Variants in PIDD1 observed in about 807,000 individuals in gnomAD.
PIDD1 encodes the protein p53-induced death domain-containing protein 1.
A neutral mutation model predicts 80.0 loss-of-function variants in PIDD1; 72 were observed. The ratio of observed to expected loss-of-function variants is 0.90; its 90% CI spans 0.74 to 1.09. The LOEUF (loss-of-function observed/expected upper bound fraction) is 1.09, where lower values mean the gene tolerates loss of function less well. Among genes scored for constraint, PIDD1 ranks in the 50% least tolerant of loss-of-function variants. PIDD1 has a pLI of 0.00. For missense variants in PIDD1, 1,329 were observed against 1,228.3 expected, an observed-to-expected ratio of 1.08 and a Z score of -1.23; for synonymous variants, 655 against 543.5, an observed-to-expected ratio of 1.21 and a Z score of -2.85.
chr11:804,257 G>A lies in PIDD1; in HGVS notation c.132C>T (p.Pro44=), dbSNP rs771436755. The A allele has an allele frequency of 2.7e-5, 44 of 1,612,916 alleles. No individual in the cohort carries two copies. The East Asian group carries it at 8.5e-4, about 31-fold the overall frequency. The change falls in exon 2 of 16, where the codon CCC becomes CCT. Residue 44 remains proline, a synonymous_variant. Transcript: ENST00000347755. ...GGTGCAGCAGCTGCTGGCAGCCCCC[G>A]GGGTACAGGTCCAAGCTCAGCCGGT... ...GGNRLSLDLY[P]GGCQQLLHLC...
rs1427234143 is a variant in PIDD1, at chr11:799,802, G to C, written c.2474+13C>G. 1 of 1,548,084 alleles carries C rather than the reference G, an allele frequency of 6.5e-7. No homozygotes were observed. The highest frequency in any genetic ancestry group is 2.3e-5 in the East Asian group (1 of 43,106). On this transcript the variant is annotated intron_variant, in intron 15 of 15. Coordinates refer to ENST00000347755, the MANE Select transcript of PIDD1 (RefSeq NM_145886.4). ...CCCTGGGGCTGGCAGCCAGCGGGCA[G>C]TGGGAGCCTCACCGGAACTCGTGCC... is the stretch of plus-strand genomic sequence containing the variant.
Position 803,673 on chromosome 11 carries a change from G to A in PIDD1, c.296-86C>T, listed in dbSNP as rs112492172. ...CTGCCAGCCAGAGAAACAGCTGCTC[G>A]AGAGGCACAGACCTCCCACCCCACC... On this transcript the variant is annotated intron_variant, in intron 2 of 15. Coordinates refer to ENST00000347755, the MANE Select transcript of PIDD1 (RefSeq NM_145886.4). 1.6e-3 allele frequency: 2,322 copies of A among 1,470,704 alleles called. 22 individuals are homozygous for A. The African/African-American group carries it at 0.025, about 16-fold the overall frequency. The allele number at this position is 1,470,704 out of a possible 1,614,324, so 91.1% of individuals were successfully genotyped here.
In PIDD1 at chr11:800,808, C is replaced by T. The variant is rs1329781846; in HGVS notation, c.1871G>A (p.Arg624His). 13 of 1,557,624 alleles carry T rather than the reference C, an allele frequency of 8.3e-6. No individual in the cohort carries two copies. Among genetic ancestry groups the T allele is most frequent in the Middle Eastern group, 1.7e-4 (1 of 5,982 alleles). Residue 624 changes from arginine to histidine, a missense_variant, in exon 11 of 16, where the codon CGC (arginine) becomes CAC (histidine). By Grantham distance (29) the Arg-to-His change is conservative. Transcript: ENST00000347755. ...HRVNLIALQR[R>H]RDPEQVLLQC... Reference sequence around the variant, plus strand: ...CAGCAGGACCTGCTCAGGGTCCCGGCGCCGCTGCAGAGCGATGAGGTTCAC... The same window carrying T: ...CAGCAGGACCTGCTCAGGGTCCCGGTGCCGCTGCAGAGCGATGAGGTTCAC...
chr11:805,238 C>A (rs1441041964), upstream of PIDD1: 1 of 982,786 alleles, frequency 1.0e-6, no homozygotes, highest in Non-Finnish European at 1.2e-6. Flanking sequence ...GCCTGGGATC[C>A]CGCCGGCGCG....
chr11:799,410 C>CG lies in PIDD1; in HGVS notation c.2629dup (p.Arg877ProfsTer41). 6.2e-7 allele frequency: 1 copy of CG among 1,611,684 alleles called. No homozygotes were observed. The highest frequency in any genetic ancestry group is 1.1e-5 in the South Asian group (1 of 91,078). On this transcript the variant is annotated frameshift_variant, in exon 16 of 16. Coordinates refer to ENST00000347755, the MANE Select transcript of PIDD1 (RefSeq NM_145886.4). LOFTEE classifies it low-confidence loss of function (END_TRUNC). The stretch of plus-strand genomic sequence containing the variant: ...TCGGATGCTGTCCTGGTACTTGCGG[C>CG]GGCCGAGCTCCAAGACTGCGCGCAC...
At position 802,876 on chromosome 11, in the gene PIDD1, A is replaced by G. The variant is rs1333527958; in HGVS notation, c.725T>C (p.Leu242Ser). The stretch of plus-strand genomic sequence containing the variant: ...GTTGCTGTGCAGGACAAGGAGCCGC[A>G]AGGACCGAAGTCCCGCTGCGGGCAG... ...LPASLAGLRS[L>S]RLLVLHSNLL... is the part of the protein sequence containing the mutation. Residue 242 changes from leucine to serine, a missense_variant, in exon 4 of 16, where the codon TTG (leucine) becomes TCG (serine). By Grantham distance (145) the Leu-to-Ser change is moderately radical. Transcript: ENST00000347755. The G allele has an allele frequency of 3.8e-6, 6 of 1,570,378 alleles. No homozygotes were observed. Among genetic ancestry groups the G allele is most frequent in the Non-Finnish European group, 5.2e-6 (6 of 1,158,698 alleles).
rs751916437 is a variant in PIDD1 at position 802,783 on chromosome 11, T to G, written c.818A>C (p.Asn273Thr). The G allele has an allele frequency of 3.7e-6, 6 of 1,607,958 alleles. No homozygotes were observed. Among genetic ancestry groups the G allele is most frequent in the Non-Finnish European group, 5.1e-6 (6 of 1,177,966 alleles). Residue 273 changes from asparagine (N) to threonine (T), a missense_variant, in exon 4 of 16, where the codon AAC (asparagine) becomes ACC (threonine). Transcript: ENST00000347755. Reference sequence around the variant, plus strand: ...CTCAGGGGGCAGGTCCCGGAGCTGGTTGTCCCTCAGGTCGAGCCGGGTGAG... The same window carrying G: ...CTCAGGGGGCAGGTCCCGGAGCTGGGTGTCCCTCAGGTCGAGCCGGGTGAG... ...PLLTRLDLRD[N>T]QLRDLPPELL...
chr11:804,406 T>C lies in PIDD1; in HGVS notation c.-18A>G. ...GCAGCCATCGCCCACCGACGGTCCT[T>C]GGAGGCCAGACATGTCCCAGCACGC... On this transcript the variant is annotated 5_prime_UTR_variant, in exon 2 of 16. Transcript: ENST00000347755. The C allele has an allele frequency of 6.4e-7, 1 of 1,570,982 alleles. No homozygotes were observed. Among genetic ancestry groups the C allele is most frequent in the Non-Finnish European group, 8.6e-7 (1 of 1,157,464 alleles).
chr11:800,279 C>A, intron 13 of PIDD1, 35 bp from the exon 14 acceptor site: 1 of 1,612,150 alleles, frequency 6.2e-7, no homozygotes, highest in Non-Finnish European at 8.5e-7. Flanking sequence ...GGAGTTCGGT[C>A]CTCTGCCCAA....
rs369791381 is a variant in PIDD1 at position 802,106 on chromosome 11, G to A, written c.1177-16C>T. 2.0e-4 allele frequency: 316 copies of A among 1,573,440 alleles called. 1 individual carries two copies. The highest frequency in any genetic ancestry group is 5.0e-4 in the Middle Eastern group (3 of 6,032). ...GCCCCACATCCTGCCAGACAAGGAT[G>A]GTGTGAGCACTGGAGCCATGCCCGG... On this transcript the variant is annotated splice_polypyrimidine_tract_variant and intron_variant, in intron 6 of 15. Transcript: ENST00000347755.
At chr11:809,384 G>A (rs1865938342), upstream of PIDD1, 1 of 152,256 alleles carries the variant, frequency 6.6e-6, no homozygotes, top group African/African-American at 2.4e-5. Flanking sequence ...TAGGGCCGCA[G>A]TCGCTAAGTC....
Position 802,156 on chromosome 11 carries a change from C to T in PIDD1, c.1176+39G>A, listed in dbSNP as rs1554970063. 11 of 1,565,942 alleles carry T rather than the reference C, an allele frequency of 7.0e-6. No individual in the cohort carries two copies. In the South Asian group the frequency reaches 1.2e-4, roughly 16 times the overall value. On this transcript the variant is annotated intron_variant, in intron 6 of 15. Transcript: ENST00000347755. ...GGCCCGCACACTGCCCCTGCCATGC[C>T]CTGGCCCACACACTGCCCCCGCCAC...
intron 15 of PIDD1, 58 bp downstream of exon 15, chr11:799,757 T>A: frequency 7.0e-7 from 1 of 1,425,966 alleles, no homozygotes; most frequent in East Asian, 2.5e-5. Context: ...AGGTGGGCCC[T>A]CCAGGCAGCC....
chr11:800,260 AT>A lies in PIDD1; in HGVS notation c.2161-17del. 1 of 1,611,472 alleles carries A rather than the reference AT, an allele frequency of 6.2e-7. No individual in the cohort carries two copies. The highest frequency in any genetic ancestry group is 8.5e-7 in the Non-Finnish European group (1 of 1,179,360). On this transcript the variant is annotated splice_polypyrimidine_tract_variant and intron_variant, in intron 13 of 15. Transcript: ENST00000347755. ...AGAAGGACACCTGAAGGGGCATCGA[AT>A]GGGGTTCGGAGTTCGGTCCTCTGCC...
chr11:799,857 C>G lies in PIDD1; in HGVS notation c.2432G>C (p.Gly811Ala). ...LDWPAVALHL[G>A]VSYREVQRIR... ...GCGCTGCACCTCCCGGTAGGACACCCCCAGGTGCAGGGCCACGGCTGGCCA... is the reference window on the plus strand; with the variant it reads ...GCGCTGCACCTCCCGGTAGGACACCGCCAGGTGCAGGGCCACGGCTGGCCA... Residue 811 changes from glycine to alanine, a missense_variant, in exon 15 of 16, where the codon GGG (glycine) becomes GCG (alanine). Coordinates refer to ENST00000347755, the MANE Select transcript of PIDD1 (RefSeq NM_145886.4). 1 of 1,609,304 alleles carries G rather than the reference C, an allele frequency of 6.2e-7. No homozygotes were observed. Among genetic ancestry groups the G allele is most frequent in the Non-Finnish European group, 8.5e-7 (1 of 1,178,756 alleles).
chr11:804,189 A>G lies in PIDD1; in HGVS notation c.200T>C (p.Leu67Ser), dbSNP rs773558210. ...AGGGTCCTCGTGAGTGCTCAGACGCAAGAATTCCACCTGCAGCAGCTGCAG... is the reference window on the plus strand; with the variant it reads ...AGGGTCCTCGTGAGTGCTCAGACGCGAGAATTCCACCTGCAGCAGCTGCAG... ...QPLQLLQVEF[L>S]RLSTHEDPQL... Residue 67 changes from leucine to serine, a missense_variant, in exon 2 of 16, where the codon TTG (leucine) becomes TCG (serine). Leu to Ser is a moderately radical substitution (Grantham distance 145). Coordinates refer to ENST00000347755, the MANE Select transcript of PIDD1 (RefSeq NM_145886.4). 6.2e-7 allele frequency: 1 copy of G among 1,613,344 alleles called. No individual in the cohort carries two copies. The highest frequency in any genetic ancestry group is 8.5e-7 in the Non-Finnish European group (1 of 1,179,944).
Position 803,420 on chromosome 11 carries a change from G to A in PIDD1, c.463C>T (p.Leu155=), listed in dbSNP as rs756926039. The part of the protein sequence containing the change: ...LQMRGLGALL[L]SHNCLSELPE... The stretch of plus-strand genomic sequence containing the variant: ...AGCTCAGAGAGGCAGTTGTGAGACA[G>A]CAAGAGCGCACCCAGACCTCGCATC... Residue 155 remains leucine, a synonymous_variant, in exon 3 of 16, where the codon CTG becomes TTG. Transcript: ENST00000347755. 40 of 1,613,808 alleles carry A rather than the reference G, an allele frequency of 2.5e-5. No homozygotes were observed. The highest frequency in any genetic ancestry group is 3.1e-5 in the Non-Finnish European group (37 of 1,179,992).
At chr11:805,252 C>G (rs1363650889), upstream of PIDD1, 2 of 981,892 alleles carry the variant, frequency 2.0e-6, no homozygotes, top group Non-Finnish European at 1.2e-6. Context: ...CGGCGCGTTT[C>G]TGGGTGGGCG....
At chr11:808,225 G>C (rs1216684404), upstream of PIDD1, among the ~76,000 whole-genome samples, 2 of 151,214 alleles carry the variant, frequency 1.3e-5, no homozygotes, top group Non-Finnish European at 2.9e-5. Flanking sequence ...TCAGGAGTTT[G>C]AGACCAGCCT....
Sources: gnomAD v4.1 joint callset for allele counts (sites outside exome capture counted in the v4.1 genomes callset) on GRCh38, gnomAD v4.1.1 for gene constraint, MANE v1.5 for transcripts, NCBI Gene and HGNC (gene_info 2026-07-23, HGNC 2026-07-21) for gene names.